CNTN4: variants seen among roughly 807,000 people sequenced by gnomAD.
CNTN4 encodes contactin 4, also known as contactin-4.
Under a neutral mutation model 122.5 loss-of-function variants are expected in CNTN4, and 77 were observed. That is an observed-to-expected ratio of 0.63 (90% CI 0.52 to 0.76). The LOEUF is 0.76. CNTN4 is among the 30% of genes least tolerant of loss of function. The pLI is 0.00. For synonymous variants in CNTN4, 512 were observed against 447.0 expected, an observed-to-expected ratio of 1.15 and a Z score of -1.83; for missense variants, 1,256 against 1,259.1, an observed-to-expected ratio of 1.00 and a Z score of 0.04.
intron 2 of CNTN4, among the ~76,000 whole-genome samples, chr3:2,276,557 A>G (rs1413651933): frequency 6.6e-6 from 1 of 152,082 alleles, no homozygotes; most frequent in Admixed American, 6.6e-5. Flanking sequence ...AGACTCTTCT[A>G]TTTTTTAGGA....
At chr3:2,913,852 A>G (rs2094327151) in intron 12 of CNTN4, among the ~76,000 whole-genome samples, 1 of 152,232 alleles carries the variant, frequency 6.6e-6, no homozygotes, top group Non-Finnish European at 1.5e-5. Flanking sequence ...ACAACAGAAT[A>G]TGAAATCTAC....
In CNTN4 at chr3:2,724,836, G is replaced by A. The variant is rs1014068875; in HGVS notation, c.56-11379G>A. Among the ~76,000 whole-genome samples the A allele has an allele frequency of 3.9e-5, 6 of 152,058 alleles. No homozygotes were observed. The East Asian group carries it at 5.8e-4, about 15-fold the overall frequency. ...GGAAACTGTGAAATTATGACTGAAC[G>A]TAGAAAGGGCAACCTCTCCACTTTG... On this transcript the variant is annotated intron_variant, in intron 4 of 24. Transcript: ENST00000418658.
rs964496192 is a variant in CNTN4, at chr3:3,037,301, T to C, written c.2065T>C (p.Ser689Pro). The C allele has an allele frequency of 6.2e-7, 1 of 1,614,174 alleles. No homozygotes were observed. The highest frequency in any genetic ancestry group is 1.1e-5 in the South Asian group (1 of 91,082). The change falls in exon 18 of 25, where the codon TCA becomes CCA. Residue 689 changes from serine to proline, a missense_variant. By Grantham distance (74) the Ser-to-Pro change is moderately conservative. Coordinates refer to ENST00000418658, the MANE Select transcript of CNTN4 (RefSeq NM_175607.3). ...VIGIGEPSRP[S>P]EKRRTEEALP... ...TGGGATTGGGGAGCCCAGCCGCCCC[T>C]CAGAGAAACGGAGAACAGAAGAAGC...
intron 2 of CNTN4, among the ~76,000 whole-genome samples, chr3:2,181,234 G>A (rs2037000848): frequency 6.6e-6 from 1 of 151,982 alleles, no homozygotes; most frequent in Admixed American, 6.6e-5. Flanking sequence ...ATTCCTTAAA[G>A]AGGAATAAGA....
At chr3:2,234,974 A>T (rs2039625545) in intron 2 of CNTN4, among the ~76,000 whole-genome samples, 1 of 151,854 alleles carries the variant, frequency 6.6e-6, no homozygotes, top group African/African-American at 2.4e-5. Flanking sequence ...CCCTGAGTTT[A>T]TTTTTTTGGG....
Position 2,942,702 on chromosome 3 carries a change from A to G in CNTN4, c.1358+16923A>G, listed in dbSNP as rs372441699. Among the ~76,000 whole-genome samples the G allele has an allele frequency of 1.1e-4, 17 of 152,316 alleles. No homozygotes were observed. The South Asian group carries it at 2.3e-3, about 20-fold the overall frequency. On this transcript the variant is annotated intron_variant, in intron 13 of 24. Transcript: ENST00000418658. ...CTTGAGATGGGGTGGGAGGTGATGT[A>G]TAGGGTATAAAGTGGTGTTCTATAA...
At chr3:2,522,447 C>G (rs887922466) in intron 3 of CNTN4, among the ~76,000 whole-genome samples, 3 of 151,990 alleles carry the variant, frequency 2.0e-5, no homozygotes, top group Non-Finnish European at 2.9e-5. Context: ...TAGGATAGCT[C>G]TCACATGAGA....
Position 2,702,698 on chromosome 3 carries a change from A to G in CNTN4, c.56-33517A>G, listed in dbSNP as rs538134407. 7.9e-5 allele frequency among the ~76,000 whole-genome samples: 12 copies of G among 152,364 alleles called. No individual in the cohort carries two copies. The South Asian group carries it at 2.5e-3, about 32-fold the overall frequency. ...AAAAGTGTTCCTGAGAAAGGGCAGT[A>G]TGATTAATCTTACCTAGAGGCTGAA... On this transcript the variant is annotated intron_variant, in intron 4 of 24. Coordinates refer to ENST00000418658, the MANE Select transcript of CNTN4 (RefSeq NM_175607.3).
chr3:2,656,980 T>A (rs537728486), intron 4 of CNTN4, among the ~76,000 whole-genome samples: 69 of 152,256 alleles, frequency 4.5e-4, no homozygotes, highest in African/African-American at 1.6e-3. Context: ...TGAAAAATAG[T>A]TTAAGATTAC....
At chr3:2,640,606 A>G (rs1364712182) in intron 4 of CNTN4, among the ~76,000 whole-genome samples, 5 of 152,012 alleles carry the variant, frequency 3.3e-5, no homozygotes, top group Non-Finnish European at 7.4e-5. Context: ...ACTGGACACA[A>G]GAACAGCTCT....
intron 12 of CNTN4, among the ~76,000 whole-genome samples, chr3:2,918,983 T>G (rs2094398801): frequency 6.6e-6 from 1 of 152,200 alleles, no homozygotes; most frequent in African/African-American, 2.4e-5. Context: ...TTATCAACTT[T>G]TTTATAATAC....
intron 3 of CNTN4, among the ~76,000 whole-genome samples, chr3:2,350,578 T>C (rs201775640): frequency 1.8e-5 from 1 of 56,158 alleles, no homozygotes; most frequent in Non-Finnish European, 4.6e-5. Flanking sequence ...AAGAAAAAAA[T>C]AGAGTAGAAT....
chr3:2,601,194 T>C (rs1449601862), intron 4 of CNTN4, among the ~76,000 whole-genome samples: 1 of 152,190 alleles, frequency 6.6e-6, no homozygotes, highest in Non-Finnish European at 1.5e-5. Flanking sequence ...GTGCAGAAGC[T>C]CTTTAGTTTA....
At chr3:2,143,014 C>T (rs536377275) in intron 2 of CNTN4, among the ~76,000 whole-genome samples, 3 of 152,302 alleles carry the variant, frequency 2.0e-5, no homozygotes, top group African/African-American at 7.2e-5. Flanking sequence ...TGGATTCAAA[C>T]GTATGTCATG....
chr3:2,859,639 G>C (rs756052521), intron 7 of CNTN4, among the ~76,000 whole-genome samples: 1 of 151,786 alleles, frequency 6.6e-6, no homozygotes, highest in Non-Finnish European at 1.5e-5. Context: ...ATACAGTTCT[G>C]AGAGCAGAGG....
chr3:2,167,959 A>G (rs116785373), intron 2 of CNTN4, among the ~76,000 whole-genome samples: 76 of 152,292 alleles, frequency 5.0e-4, no homozygotes, highest in African/African-American at 1.7e-3. Context: ...GCAACATAGG[A>G]AGACTCCATC....
At chr3:2,583,649 T>C (rs1559267601) in intron 4 of CNTN4, among the ~76,000 whole-genome samples, 1 of 152,234 alleles carries the variant, frequency 6.6e-6, no homozygotes, top group Non-Finnish European at 1.5e-5. Context: ...GATATGACTT[T>C]TTAAACTCTA....
rs142655924 is a variant in CNTN4, at chr3:2,105,404, C to T, written c.-145+4765C>T. Among the ~76,000 whole-genome samples, 545 of 152,286 alleles carry T rather than the reference C, an allele frequency of 3.6e-3. 3 individuals are homozygous for T. The highest frequency in any genetic ancestry group is 0.013 in the African/African-American group (533 of 41,550). ...CACTGCTAGAAAGAACTGCCTGAGACTGGGTAATTTGTAAAGGAAAGAGGT... is the reference window on the plus strand; with the variant it reads ...CACTGCTAGAAAGAACTGCCTGAGATTGGGTAATTTGTAAAGGAAAGAGGT... On this transcript the variant is annotated intron_variant, in intron 2 of 24. Transcript: ENST00000418658.
chr3:2,431,925 A>G (rs2151205304), intron 3 of CNTN4, among the ~76,000 whole-genome samples: 1 of 152,276 alleles, frequency 6.6e-6, no homozygotes, highest in African/African-American at 2.4e-5. Flanking sequence ...AAACATATAG[A>G]GTATACCTGA....
Sources: gnomAD v4.1 joint callset for allele counts (sites outside exome capture counted in the v4.1 genomes callset) on GRCh38, gnomAD v4.1.1 for gene constraint, MANE v1.5 for transcripts, NCBI Gene and HGNC (gene_info 2026-07-23, HGNC 2026-07-21) for gene names.